Variants in TRPV3 observed in about 807,000 individuals in gnomAD.
The protein encoded by TRPV3 is VRL-3.
A neutral mutation model predicts 87.1 loss-of-function variants in TRPV3; 88 were observed. That is an observed-to-expected ratio of 1.01 (90% CI 0.85 to 1.21). The LOEUF (loss-of-function observed/expected upper bound fraction) is 1.21, where lower values mean the gene tolerates loss of function less well. Among genes scored for constraint, TRPV3 ranks in the 50% most tolerant of loss-of-function variants. The pLI, the probability that TRPV3 is intolerant of heterozygous loss-of-function variation, is 0.00. For synonymous variants in TRPV3, 438 were observed against 423.3 expected (o/e 1.03, Z -0.43); for missense variants, 1,054 against 1,030.1 (o/e 1.02, Z -0.32).
intron 2 of TRPV3, among the ~76,000 whole-genome samples, chr17:3,546,047 C>T (rs2074522574): frequency 6.6e-6 from 1 of 151,294 alleles, no homozygotes; most frequent in Non-Finnish European, 1.5e-5. Flanking sequence ...TCTTGTGAGG[C>T]TTCGATTCTG....
chr17:3,517,641 AGG>A (rs1184179873), intron 15 of TRPV3, among the ~76,000 whole-genome samples: 3 of 149,234 alleles, frequency 2.0e-5, no homozygotes, highest in Non-Finnish European at 4.5e-5. Context: ...AAAAAAAAAA[AGG>A]AGGGCCTTAA....
At chr17:3,521,110 T>TG in intron 13 of TRPV3, 71 bp from the exon 14 acceptor site, 1 of 667,464 alleles carries the variant, frequency 1.5e-6, no homozygotes, top group Non-Finnish European at 2.6e-6. Context: ...TCTTCCTGCT[T>TG]CCCACCCTCT....
At chr17:3,555,622 T>G (rs1286489924) in intron 1 of TRPV3, among the ~76,000 whole-genome samples, 1 of 151,980 alleles carries the variant, frequency 6.6e-6, no homozygotes, top group Non-Finnish European at 1.5e-5. Flanking sequence ...CAATGTGGGC[T>G]GGGCACCGTG....
intron 2 of TRPV3, among the ~76,000 whole-genome samples, chr17:3,546,352 A>G (rs391825): frequency 0.31 from 46,468 of 149,900 alleles, 7,657 homozygotes; most frequent in Middle Eastern, 0.4. Context: ...TGAGGCAGGA[A>G]AAGTGCTTGA....
intron 13 of TRPV3, among the ~76,000 whole-genome samples, chr17:3,522,768 G>A (rs1481685863): frequency 1.4e-5 from 2 of 146,602 alleles, no homozygotes; most frequent in Non-Finnish European, 3.0e-5. Flanking sequence ...AGTGAGCCGA[G>A]ATTGCACTAT....
In TRPV3 at chr17:3,550,041, G is replaced by A. The variant is rs572001770; in HGVS notation, c.119+4691C>T. Among the ~76,000 whole-genome samples the A allele has an allele frequency of 1.1e-4, 16 of 150,762 alleles. No homozygotes were observed. In the South Asian group the frequency reaches 1.9e-3, roughly 18 times the overall value. ...ATGGATGGATGGATGAATAGATGAC[G>A]GATGGGTGAATAAATGATGGATGGA... On this transcript the variant is annotated intron_variant, in intron 2 of 17. Transcript: ENST00000576742.
chr17:3,551,923 C>CCCAG (rs1318355207), intron 2 of TRPV3, among the ~76,000 whole-genome samples: 1 of 98,354 alleles, frequency 1.0e-5, no homozygotes, highest in African/African-American at 3.3e-5. Context: ...TGCTATGTCA[C>CCCAG]CCAGGCTAGA....
intron 12 of TRPV3, among the ~76,000 whole-genome samples, chr17:3,525,230 G>A (rs1316692409): frequency 6.6e-6 from 1 of 152,200 alleles, no homozygotes; most frequent in Non-Finnish European, 1.5e-5. Context: ...ATGTTGGCCA[G>A]GCTGGTCTCG....
chr17:3,535,344 C>T (rs937463041), intron 7 of TRPV3, among the ~76,000 whole-genome samples: 1 of 132,818 alleles, frequency 7.5e-6, no homozygotes, highest in African/African-American at 2.8e-5. Flanking sequence ...CCTCTCCCTC[C>T]TCCCTTCCTT....
At chr17:3,534,321 A>G (rs1371428538) in intron 7 of TRPV3, among the ~76,000 whole-genome samples, 1 of 152,104 alleles carries the variant, frequency 6.6e-6, no homozygotes, top group Non-Finnish European at 1.5e-5. Context: ...TGAACCCAGG[A>G]GGCAGAGGCT....
rs59021941 is a variant in TRPV3, at chr17:3,546,967, C to CA, written c.120-1697dup. On this transcript the variant is annotated intron_variant, in intron 2 of 17. Transcript: ENST00000576742. Reference sequence around the variant, plus strand: ...TGAGTAACAGAGCGGGACTCCTTCTCAAAAAAAAAAAACTGGGTCTGGGTG... The same window carrying CA: ...TGAGTAACAGAGCGGGACTCCTTCTCAAAAAAAAAAAAACTGGGTCTGGGTG... 3.0e-3 allele frequency among the ~76,000 whole-genome samples: 373 copies of CA among 123,320 alleles called. 8 individuals are homozygous for CA. Among genetic ancestry groups the CA allele is most frequent in the Admixed American group, 0.011 (142 of 12,848 alleles). 80.9% of individuals were successfully genotyped at this position (123,320 alleles called of 152,430 possible).
Position 3,535,694 on chromosome 17 carries a change from G to A in TRPV3, c.663C>T (p.Ile221=), listed in dbSNP as rs2074403156. The change falls in exon 7 of 18, where the codon ATC becomes ATT. Residue 221 remains isoleucine, a synonymous_variant. Transcript: ENST00000576742. ...EAYEGQTALN[I]AIERRQGDIA... ...TGTCCCCCTGCCGCCGCTCGATGGC[G>A]ATGTTCAGCGCCGTCTGCCCTGCGG... 1 of 1,573,126 alleles carries A rather than the reference G, an allele frequency of 6.4e-7. No individual in the cohort carries two copies. The highest frequency in any genetic ancestry group is 8.6e-7 in the Non-Finnish European group (1 of 1,162,148).
chr17:3,518,634 A>T lies in TRPV3; in HGVS notation c.2027T>A (p.Leu676Gln). ...GACGTTCTCCACAGTCTCGCCCATC[A>T]GAGCAATGAGCATGTTGAGGAGGAG... ...FVLLLNMLIALMGETVENVSK... is the reference protein window; with the variant it reads ...FVLLLNMLIAQMGETVENVSK... The change falls in exon 15 of 18, where the codon CTG becomes CAG. Residue 676 changes from leucine (L) to glutamine (Q), a missense_variant. Transcript: ENST00000576742. The surrounding 1 kb of genome is among the most constrained non-coding windows in gnomAD (Gnocchi z 4.3). The T allele has an allele frequency of 6.3e-7, 1 of 1,587,718 alleles. No individual in the cohort carries two copies. The highest frequency in any genetic ancestry group is 8.6e-7 in the Non-Finnish European group (1 of 1,166,276).
intron 2 of TRPV3, among the ~76,000 whole-genome samples, chr17:3,547,968 T>C (rs1235932393): frequency 2.6e-5 from 4 of 152,124 alleles, no homozygotes; most frequent in Non-Finnish European, 5.9e-5. Context: ...GAGAAGAGCC[T>C]TCTGGCTGAC....
In TRPV3 at chr17:3,528,833, G is replaced by C. The variant is rs367941175; in HGVS notation, c.1401+4C>G. On this transcript the variant is annotated splice_donor_region_variant and intron_variant, in intron 10 of 17. Transcript: ENST00000576742. The surrounding 1 kb of genome is among the most constrained non-coding windows in gnomAD (Gnocchi z 4.2). ...CATTTTCCCCCTCCAAGGGGCCCAC[G>C]TACCTCCTCCTCCCGGGGGCGGTAG... 6.2e-7 allele frequency: 1 copy of C among 1,614,084 alleles called. No homozygotes were observed. Among genetic ancestry groups the C allele is most frequent in the South Asian group, 1.1e-5 (1 of 91,078 alleles).
intron 8 of TRPV3, 23 bp downstream of exon 8, chr17:3,532,634 C>G: frequency 1.2e-6 from 2 of 1,611,140 alleles, no homozygotes; most frequent in Non-Finnish European, 1.7e-6. Context: ...GACCTCCTGC[C>G]TCCCCACGCC....
intron 8 of TRPV3, among the ~76,000 whole-genome samples, chr17:3,531,752 G>T (rs140660932): frequency 1.5e-4 from 23 of 152,320 alleles, no homozygotes; most frequent in Non-Finnish European, 2.8e-4. Context: ...CAGGAGCTGC[G>T]GGGAGGCAGA....
intron 1 of TRPV3, among the ~76,000 whole-genome samples, chr17:3,555,406 T>G (rs1470515835): frequency 6.6e-6 from 1 of 152,180 alleles, no homozygotes; most frequent in Admixed American, 6.5e-5. Context: ...AGCCTTAAGC[T>G]CCTCAGGTGT....
At chr17:3,546,058 C>T (rs1419198597) in intron 2 of TRPV3, among the ~76,000 whole-genome samples, 1 of 151,620 alleles carries the variant, frequency 6.6e-6, no homozygotes, top group Non-Finnish European at 1.5e-5. Context: ...TTCGATTCTG[C>T]TTACTGAGCA....
Sources: gnomAD v4.1 joint callset for allele counts (sites outside exome capture counted in the v4.1 genomes callset) on GRCh38, gnomAD v4.1.1 for gene constraint, Gnocchi (gnomAD v3.1) non-coding constraint, MANE v1.5 for transcripts, NCBI Gene and HGNC (gene_info 2026-07-23, HGNC 2026-07-21) for gene names.